The following NRG1 variants were observed in gnomAD, a reference collection of about 807,000 sequenced individuals.
The protein encoded by NRG1 is pro-neuregulin-1, membrane-bound isoform.
A neutral mutation model predicts 63.8 loss-of-function variants in NRG1; 18 were observed. The ratio of observed to expected loss-of-function variants is 0.28; its 90% CI spans 0.19 to 0.42. The LOEUF is 0.42. NRG1 is among the 10% of genes least tolerant of loss of function. The pLI is 1.00. For missense variants in NRG1, 762 were observed against 814.7 expected (o/e 0.94, Z 0.79); for synonymous variants, 302 against 301.3 (o/e 1.00, Z -0.02).
chr8:32,231,894 CAAA>C (rs11292016), intron 1 of NRG1, among the ~76,000 whole-genome samples: 5 of 135,786 alleles, frequency 3.7e-5, no homozygotes, highest in Admixed American at 7.3e-5. Context: ...GACTCCATCT[CAAA>C]AAAAAAAAAA....
rs555113252 is a variant in NRG1, at chr8:31,801,193, A to T, written c.37+161762A>T. Among the ~76,000 whole-genome samples the T allele has an allele frequency of 2.6e-5, 4 of 152,038 alleles. No individual in the cohort carries two copies. The South Asian group carries it at 8.3e-4, about 32-fold the overall frequency. The stretch of plus-strand genomic sequence containing the variant: ...TCTTATTCAATTGTTTGTTAACTAG[A>T]TTGGAATCATACTGTGCATATTGTT... On this transcript the variant is annotated intron_variant, in intron 1 of 10. Transcript: ENST00000519301.
At chr8:32,280,703 T>G (rs7835551) in intron 1 of NRG1, among the ~76,000 whole-genome samples, 6,138 of 140,588 alleles carry the variant, frequency 0.044, 478 homozygotes, top group African/African-American at 0.14. Flanking sequence ...TTTTTTTTTT[T>G]TTTTTTTTTT....
intron 1 of NRG1, among the ~76,000 whole-genome samples, chr8:31,733,666 G>C (rs573082789): frequency 6.6e-6 from 1 of 152,162 alleles, no homozygotes. Context: ...TTACCAGCCA[G>C]AGGACAGAGT....
At chr8:32,233,258 T>C (rs1234804954) in intron 1 of NRG1, among the ~76,000 whole-genome samples, 2 of 151,882 alleles carry the variant, frequency 1.3e-5, no homozygotes, top group South Asian at 2.1e-4. Flanking sequence ...TGTGCCACCA[T>C]GCTTGGCTAA....
chr8:32,324,795 C>T (rs1239428700), intron 1 of NRG1, among the ~76,000 whole-genome samples: 1 of 152,122 alleles, frequency 6.6e-6, no homozygotes, highest in Admixed American at 6.6e-5. Context: ...TTCAGGATAG[C>T]ATCTCATTTT....
intron 1 of NRG1, among the ~76,000 whole-genome samples, chr8:32,058,098 G>A (rs959328603): frequency 2.6e-5 from 4 of 151,960 alleles, no homozygotes; most frequent in Non-Finnish European, 4.4e-5. Flanking sequence ...AATTCACCAC[G>A]TGTAGCCCAA....
chr8:31,681,334 T>G (rs1808321470), intron 1 of NRG1, among the ~76,000 whole-genome samples: 1 of 152,122 alleles, frequency 6.6e-6, no homozygotes, highest in Non-Finnish European at 1.5e-5. Context: ...GTTAAAATGT[T>G]CAGTAGCTCC....
At chr8:31,808,791 G>A (rs1466498424) in intron 1 of NRG1, among the ~76,000 whole-genome samples, 1 of 151,954 alleles carries the variant, frequency 6.6e-6, no homozygotes, top group Admixed American at 6.6e-5. Context: ...ATTAAATCCA[G>A]ATTGCCATCG....
chr8:32,273,767 G>T (rs529990060), intron 1 of NRG1, among the ~76,000 whole-genome samples: 1 of 152,162 alleles, frequency 6.6e-6, no homozygotes, highest in East Asian at 1.9e-4. Context: ...GAATTTGAAA[G>T]AAACTTTAAA....
chr8:31,749,404 A>G (rs1487367163), intron 1 of NRG1, among the ~76,000 whole-genome samples: 1 of 151,894 alleles, frequency 6.6e-6, no homozygotes, highest in Non-Finnish European at 1.5e-5. Context: ...GATACTTGCC[A>G]ATCCCAGTGT....
intron 7 of NRG1, among the ~76,000 whole-genome samples, chr8:32,750,646 A>G (rs1489205724): frequency 6.6e-6 from 1 of 151,394 alleles, no homozygotes; most frequent in African/African-American, 2.4e-5. Context: ...ACTTTGCGGG[A>G]AATGAGGCAG....
At chr8:32,382,276 G>T (rs1810451387) in intron 1 of NRG1, among the ~76,000 whole-genome samples, 1 of 152,146 alleles carries the variant, frequency 6.6e-6, no homozygotes, top group Non-Finnish European at 1.5e-5. Flanking sequence ...AGGTGGGTTT[G>T]TTGGCGACTA....
chr8:32,145,153 C>T (rs1318999663), intron 1 of NRG1, among the ~76,000 whole-genome samples: 1 of 152,144 alleles, frequency 6.6e-6, no homozygotes, highest in South Asian at 2.1e-4. Context: ...CAGCCTTTAC[C>T]TTCTCCCCTG....
intron 1 of NRG1, among the ~76,000 whole-genome samples, chr8:31,709,342 C>G (rs1811505782): frequency 6.6e-6 from 1 of 151,928 alleles, no homozygotes; most frequent in Non-Finnish European, 1.5e-5. Context: ...AGTCACATTT[C>G]ATATAACGAA....
intron 5 of NRG1, among the ~76,000 whole-genome samples, chr8:32,650,085 A>G (rs1274729521): frequency 6.6e-6 from 1 of 152,356 alleles, no homozygotes; most frequent in East Asian, 1.9e-4. Flanking sequence ...AAATCAGGAA[A>G]ACAAAGAAAC....
chr8:32,537,560 G>C (rs1832138236), intron 1 of NRG1, among the ~76,000 whole-genome samples: 1 of 152,200 alleles, frequency 6.6e-6, no homozygotes, highest in African/African-American at 2.4e-5. Context: ...CCTGGATTCA[G>C]AGATGTCTGG....
chr8:32,320,907 G>A (rs1219673136), intron 1 of NRG1, among the ~76,000 whole-genome samples: 1 of 152,188 alleles, frequency 6.6e-6, no homozygotes, highest in Non-Finnish European at 1.5e-5. Context: ...AGGTAGGTCA[G>A]ATTGGTGATA....
chr8:31,922,619 G>A (rs111950926), intron 1 of NRG1, among the ~76,000 whole-genome samples: 5 of 152,280 alleles, frequency 3.3e-5, no homozygotes, highest in African/African-American at 1.2e-4. Context: ...GTGGTAAGCT[G>A]GAACAACAAA....
At chr8:32,050,015 T>C (rs1010927786) in intron 1 of NRG1, among the ~76,000 whole-genome samples, 5 of 152,136 alleles carry the variant, frequency 3.3e-5, no homozygotes, top group Non-Finnish European at 7.4e-5. Context: ...AGAAAAAGCT[T>C]GCATTTGGTT....
Sources: allele counts gnomAD v4.1 joint callset (sites outside exome capture counted in the v4.1 genomes callset), GRCh38; gene constraint gnomAD v4.1.1; transcripts MANE v1.5; gene names NCBI Gene and HGNC (gene_info 2026-07-23, HGNC 2026-07-21).